PDE4B: variants seen among roughly 807,000 people sequenced by gnomAD.
PDE4B encodes the protein 3',5'-cyclic-AMP phosphodiesterase 4B.
Under a neutral mutation model 82.2 loss-of-function variants are expected in PDE4B, and 20 were observed. That is an observed-to-expected ratio of 0.24 (90% CI 0.17 to 0.35). The LOEUF is 0.35. PDE4B is among the 10% of genes least tolerant of loss of function. The pLI is 1.00. For missense variants in PDE4B, 655 were observed against 907.2 expected (o/e 0.72, Z 3.57); for synonymous variants, 320 against 318.9 (o/e 1.00, Z -0.04).
chr1:66,304,012 A>G (rs1658092037), intron 7 of PDE4B, among the ~76,000 whole-genome samples: 1 of 152,192 alleles, frequency 6.6e-6, no homozygotes. Context: ...AGAATATCGT[A>G]AATATGGTAG....
chr1:66,110,535 T>C (rs1486713757), intron 3 of PDE4B, among the ~76,000 whole-genome samples: 5 of 152,010 alleles, frequency 3.3e-5, no homozygotes, highest in Non-Finnish European at 7.4e-5. Context: ...AAATACCAAA[T>C]ACATGGTGGA....
At chr1:66,347,117 C>T (rs1416421434) in intron 8 of PDE4B, among the ~76,000 whole-genome samples, 2 of 152,130 alleles carry the variant, frequency 1.3e-5, no homozygotes, top group Non-Finnish European at 2.9e-5. Context: ...GTAAGGCAAA[C>T]CTGCAACCAG....
At chr1:66,085,842 T>C (rs529802286) in intron 3 of PDE4B, among the ~76,000 whole-genome samples, 1 of 152,168 alleles carries the variant, frequency 6.6e-6, no homozygotes, top group South Asian at 2.1e-4. Flanking sequence ...TGTCAAAAAA[T>C]AGATGTTTTG....
intron 3 of PDE4B, among the ~76,000 whole-genome samples, chr1:66,133,772 T>C (rs549729660): frequency 7.9e-4 from 120 of 152,306 alleles, no homozygotes; most frequent in South Asian, 1.2e-3. Flanking sequence ...CAATATACTT[T>C]GGGGAAGCAG....
chr1:66,189,328 G>A (rs370928176), intron 3 of PDE4B, among the ~76,000 whole-genome samples: 13 of 151,778 alleles, frequency 8.6e-5, no homozygotes, highest in Admixed American at 2.6e-4. Context: ...TGCTCTTCTC[G>A]AGGAGTATCT....
intron 3 of PDE4B, among the ~76,000 whole-genome samples, chr1:66,135,032 T>C (rs1177798334): frequency 6.6e-6 from 1 of 152,152 alleles, no homozygotes; most frequent in African/African-American, 2.4e-5. Context: ...TCTTATAGGA[T>C]GAAGAATTTG....
intron 6 of PDE4B, among the ~76,000 whole-genome samples, chr1:66,261,012 T>C (rs563922015): frequency 6.6e-6 from 1 of 152,306 alleles, no homozygotes; most frequent in South Asian, 2.1e-4. Context: ...ATCCTGTTAC[T>C]GATTGCAAGT....
At chr1:65,989,283 A>C (rs1651116192) in intron 3 of PDE4B, among the ~76,000 whole-genome samples, 1 of 152,040 alleles carries the variant, frequency 6.6e-6, no homozygotes. Context: ...GGCAGATTAC[A>C]TGAGGCCAGG....
At chr1:65,992,844 A>C (rs1651318785) in intron 3 of PDE4B, 5 of 1,570,134 alleles carry the variant, frequency 3.2e-6, no homozygotes, top group Non-Finnish European at 4.3e-6. Flanking sequence ...GACCTGCAGC[A>C]GTGTCTCTGC....
At chr1:66,192,541 C>T (rs72922394) in intron 3 of PDE4B, among the ~76,000 whole-genome samples, 5,963 of 152,234 alleles carry the variant, frequency 0.039, 234 homozygotes, top group African/African-American at 0.1. Flanking sequence ...CCCGGAAGAT[C>T]ATGACTGTTT....
chr1:66,339,003 A>G (rs1660749296), intron 8 of PDE4B, among the ~76,000 whole-genome samples: 1 of 143,736 alleles, frequency 7.0e-6, no homozygotes, highest in African/African-American at 2.7e-5. Flanking sequence ...TGGGCGACAG[A>G]GCGAGACTCC....
intron 3 of PDE4B, among the ~76,000 whole-genome samples, chr1:66,246,437 C>T (rs988882882): frequency 1.6e-4 from 25 of 152,218 alleles, no homozygotes; most frequent in African/African-American, 6.0e-4. Flanking sequence ...GGAGCATCCT[C>T]AGCCCCATAT....
chr1:65,943,981 C>A (rs972622619), intron 3 of PDE4B, among the ~76,000 whole-genome samples: 1 of 151,904 alleles, frequency 6.6e-6, no homozygotes, highest in Non-Finnish European at 1.5e-5. Flanking sequence ...TCTTTTATTT[C>A]TTTCTCTTGC....
At chr1:66,186,733 G>A (rs1209690979) in intron 3 of PDE4B, among the ~76,000 whole-genome samples, 1 of 152,120 alleles carries the variant, frequency 6.6e-6, no homozygotes, top group African/African-American at 2.4e-5. Flanking sequence ...GAGATTTTGG[G>A]CTGAGACCAT....
At chr1:66,060,379 T>A (rs751655885) in intron 3 of PDE4B, among the ~76,000 whole-genome samples, 2 of 152,252 alleles carry the variant, frequency 1.3e-5, no homozygotes, top group South Asian at 4.1e-4. Context: ...ACAATACTTG[T>A]TGTTTCCTTA....
chr1:66,235,806 T>G (rs1652364312), intron 3 of PDE4B, among the ~76,000 whole-genome samples: 1 of 152,202 alleles, frequency 6.6e-6, no homozygotes, highest in African/African-American at 2.4e-5. Flanking sequence ...TTTAACAGAG[T>G]TTAACTGAGC....
At position 66,272,779 on chromosome 1, in the gene PDE4B, C is replaced by CTTTTT. The variant is rs869201227; in HGVS notation, c.634+6713_634+6717dup. Among the ~76,000 whole-genome samples, 234 of 61,630 alleles carry CTTTTT rather than the reference C, an allele frequency of 3.8e-3. 8 individuals are homozygous for CTTTTT. The highest frequency in any genetic ancestry group is 0.021 in the Middle Eastern group (1 of 48). 40.4% of individuals were successfully genotyped at this position (61,630 alleles called of 152,430 possible). On this transcript the variant is annotated intron_variant, in intron 7 of 16. Transcript: ENST00000341517. ...CAGCTTCCATTCTGGTACTAGAATT[C>CTTTTT]TTTTTTTTTTTTTTTTTTTTTTTTT...
chr1:66,001,596 G>A (rs1651866335), intron 3 of PDE4B, among the ~76,000 whole-genome samples: 1 of 152,068 alleles, frequency 6.6e-6, no homozygotes, highest in Non-Finnish European at 1.5e-5. Flanking sequence ...TGGCTATTAT[G>A]AATAAAGGTG....
At chr1:66,042,201 C>A (rs1654426335) in intron 3 of PDE4B, among the ~76,000 whole-genome samples, 1 of 151,750 alleles carries the variant, frequency 6.6e-6, no homozygotes, top group South Asian at 2.1e-4. Flanking sequence ...ATTGATATAA[C>A]TTACATTTAA....
Sources: gnomAD v4.1 joint callset for allele counts (sites outside exome capture counted in the v4.1 genomes callset) on GRCh38, gnomAD v4.1.1 for gene constraint, MANE v1.5 for transcripts, NCBI Gene and HGNC (gene_info 2026-07-23, HGNC 2026-07-21) for gene names.